PKHD1: variants seen among roughly 807,000 people sequenced by gnomAD.
The protein encoded by PKHD1 is PKHD1 ciliary IPT domain containing fibrocystin/polyductin, also known as fibrocystin.
PKHD1 carries 291 observed loss-of-function variants against 412.0 expected under a neutral mutation model. The ratio of observed to expected loss-of-function variants is 0.71; its 90% CI spans 0.64 to 0.78. PKHD1 has a LOEUF of 0.78. Among genes scored for constraint, PKHD1 ranks in the 30% least tolerant of loss-of-function variants. The pLI, the probability that PKHD1 is intolerant of heterozygous loss-of-function variation, is 0.00. For missense variants in PKHD1, 4,825 were observed against 4,950.7 expected (o/e 0.97, Z 0.76); for synonymous variants, 1,777 against 1,821.5 (o/e 0.98, Z 0.62).
At chr6:51,653,138 G>A (rs2150383556) in intron 61 of PKHD1, among the ~76,000 whole-genome samples, 1 of 152,096 alleles carries the variant, frequency 6.6e-6, no homozygotes, top group East Asian at 1.9e-4. Context: ...TCAAGGCACT[G>A]TGAGATATGC....
At chr6:51,751,612 C>T (rs1419844378) in intron 57 of PKHD1, among the ~76,000 whole-genome samples, 1 of 152,130 alleles carries the variant, frequency 6.6e-6, no homozygotes, top group East Asian at 1.9e-4. Context: ...GAACCAGGCT[C>T]GAATCTACCA....
At chr6:52,050,624 C>A (rs1806670477) in intron 21 of PKHD1, among the ~76,000 whole-genome samples, 1 of 152,188 alleles carries the variant, frequency 6.6e-6, no homozygotes, top group African/African-American at 2.4e-5. Context: ...GTATAGCCTG[C>A]CACCCTTTCC....
chr6:51,823,685 G>GAT (rs1766842939), intron 52 of PKHD1, among the ~76,000 whole-genome samples: 1 of 151,966 alleles, frequency 6.6e-6, no homozygotes, highest in Non-Finnish European at 1.5e-5. Context: ...TCTGTCACAG[G>GAT]GAAAAATGCA....
At position 52,076,285 on chromosome 6, in the gene PKHD1, C is replaced by T. The variant is rs1442794854; in HGVS notation, c.439G>A (p.Gly147Ser). The T allele has an allele frequency of 6.2e-7, 1 of 1,609,794 alleles. No homozygotes were observed. Among genetic ancestry groups the T allele is most frequent in the East Asian group, 2.2e-5 (1 of 44,834 alleles). Residue 147 changes from glycine to serine, a missense_variant, in exon 6 of 67, where the codon GGT (glycine) becomes AGT (serine). Gly to Ser is a moderately conservative substitution (Grantham distance 56). Coordinates refer to ENST00000371117, the MANE Select transcript of PKHD1 (RefSeq NM_138694.4). ...ATAGAAGATTTCTTACCTGGAACACCACTTGGTGGATAAACTTGGTGAACG... is the reference window on the plus strand; with the variant it reads ...ATAGAAGATTTCTTACCTGGAACACTACTTGGTGGATAAACTTGGTGAACG... ...PIVHQVYPPSGVPGKLIHVYG... is the reference protein window; with the variant it reads ...PIVHQVYPPSSVPGKLIHVYG...
intron 36 of PKHD1, among the ~76,000 whole-genome samples, chr6:51,958,200 C>T (rs765809442): frequency 1.3e-5 from 2 of 151,996 alleles, no homozygotes; most frequent in Non-Finnish European, 2.9e-5. Context: ...TACTACTTAG[C>T]CTTACATCCT....
chr6:51,660,712 G>A (rs753308545), intron 60 of PKHD1, among the ~76,000 whole-genome samples: 7 of 152,104 alleles, frequency 4.6e-5, no homozygotes, highest in East Asian at 1.9e-4. Flanking sequence ...TGGAAGAGAC[G>A]CATAGGACAA....
chr6:51,853,220 T>C (rs1489296544), intron 49 of PKHD1, among the ~76,000 whole-genome samples: 1 of 152,254 alleles, frequency 6.6e-6, no homozygotes, highest in Non-Finnish European at 1.5e-5. Flanking sequence ...TCTTTAAGAA[T>C]GTTGAATATT....
intron 35 of PKHD1, among the ~76,000 whole-genome samples, chr6:51,990,773 T>G (rs1215819709): frequency 6.6e-6 from 1 of 152,220 alleles, no homozygotes; most frequent in South Asian, 2.1e-4. Flanking sequence ...CACTAGCTTT[T>G]TTTTTTGTAA....
At chr6:51,752,149 G>A (rs1220284217) in intron 57 of PKHD1, among the ~76,000 whole-genome samples, 1 of 152,034 alleles carries the variant, frequency 6.6e-6, no homozygotes, top group Non-Finnish European at 1.5e-5. Flanking sequence ...CCTTAGAATG[G>A]GGTTCTTAAA....
Position 51,960,035 on chromosome 6 carries a change from C to T in PKHD1, c.5752-9G>A, listed in dbSNP as rs184441390. On this transcript the variant is annotated splice_polypyrimidine_tract_variant and intron_variant, in intron 35 of 66. Coordinates refer to ENST00000371117, the MANE Select transcript of PKHD1 (RefSeq NM_138694.4). The stretch of plus-strand genomic sequence containing the variant: ...TGTAAAGAAAAGTTGCCCTGGAAAA[C>T]AGAGAGCTGGGTTGGTGGGTTGGTT... The T allele has an allele frequency of 1.8e-4, 290 of 1,613,090 alleles. 4 individuals carry two copies. In the African/African-American group the frequency reaches 2.7e-3, roughly 15 times the overall value.
chr6:52,081,162 T>C (rs1362559108), intron 4 of PKHD1, among the ~76,000 whole-genome samples: 3 of 152,172 alleles, frequency 2.0e-5, no homozygotes, highest in African/African-American at 7.2e-5. Flanking sequence ...ATAAAATCAA[T>C]GGTGCATCCA....
chr6:51,825,998 C>T (rs1032119164), intron 52 of PKHD1, among the ~76,000 whole-genome samples: 6 of 152,080 alleles, frequency 3.9e-5, no homozygotes, highest in Non-Finnish European at 5.9e-5. Context: ...TACATCTCTG[C>T]TATAATTCAG....
chr6:51,744,563 C>G, intron 59 of PKHD1, 21 bp from the exon 60 acceptor site: 1 of 1,598,170 alleles, frequency 6.3e-7, no homozygotes, highest in Non-Finnish European at 8.6e-7. Flanking sequence ...AGTCAAAAAG[C>G]AACTCTTTCA....
At chr6:51,935,967 C>T (rs910805879) in intron 36 of PKHD1, among the ~76,000 whole-genome samples, 4 of 152,110 alleles carry the variant, frequency 2.6e-5, no homozygotes, top group Non-Finnish European at 4.4e-5. Context: ...AATAGCACAC[C>T]CTAGCCCCTT....
At chr6:51,965,805 C>G (rs953504788) in intron 35 of PKHD1, among the ~76,000 whole-genome samples, 5 of 152,116 alleles carry the variant, frequency 3.3e-5, no homozygotes, top group African/African-American at 1.2e-4. Flanking sequence ...GTTGCTGACT[C>G]TACCTCAGTG....
chr6:51,898,386 A>G (rs1279729087), intron 43 of PKHD1, among the ~76,000 whole-genome samples: 1 of 149,462 alleles, frequency 6.7e-6, no homozygotes, highest in Non-Finnish European at 1.5e-5. Flanking sequence ...AACTACATGG[A>G]AACTGAACAA....
intron 35 of PKHD1, among the ~76,000 whole-genome samples, chr6:51,969,168 C>A (rs1357769233): frequency 6.6e-6 from 1 of 152,176 alleles, no homozygotes; most frequent in Non-Finnish European, 1.5e-5. Flanking sequence ...TGGAGGAGAC[C>A]ATGTGGCTAG....
chr6:51,966,003 G>T (rs1038273934), intron 35 of PKHD1, among the ~76,000 whole-genome samples: 1 of 152,080 alleles, frequency 6.6e-6, no homozygotes, highest in Non-Finnish European at 1.5e-5. Flanking sequence ...GATAATGATA[G>T]CTACTGATTA....
chr6:51,781,279 T>C (rs1791966814), intron 53 of PKHD1, among the ~76,000 whole-genome samples: 1 of 152,096 alleles, frequency 6.6e-6, no homozygotes, highest in East Asian at 1.9e-4. Context: ...ACTGATTCCA[T>C]CTGAAAATAA....
Sources: allele counts gnomAD v4.1 joint callset (sites outside exome capture counted in the v4.1 genomes callset), GRCh38; gene constraint gnomAD v4.1.1; transcripts MANE v1.5; gene names NCBI Gene and HGNC (gene_info 2026-07-23, HGNC 2026-07-21).